Variants in EXOC5 observed in about 807,000 individuals in gnomAD.
EXOC5 encodes SEC10-like 1.
A neutral mutation model predicts 90.8 loss-of-function variants in EXOC5; 17 were observed. The ratio of observed to expected loss-of-function variants is 0.19; its 90% CI spans 0.13 to 0.28. EXOC5 has a LOEUF of 0.28. Ranked by LOEUF, EXOC5 falls within the 10% of genes least tolerant of loss-of-function variation. The pLI, the probability that EXOC5 is intolerant of heterozygous loss-of-function variation, is 1.00. For missense variants in EXOC5, 569 were observed against 830.6 expected (o/e 0.69, Z 3.87); for synonymous variants, 260 against 270.0 (o/e 0.96, Z 0.36).
intron 12 of EXOC5, among the ~76,000 whole-genome samples, chr14:57,223,704 C>T (rs1594655327): frequency 6.6e-6 from 1 of 152,078 alleles, no homozygotes; most frequent in East Asian, 1.9e-4. Flanking sequence ...ACTTGAACAA[C>T]ATAATCAACT....
rs1254589433 is a variant in EXOC5, at chr14:57,231,732, G to A, written c.939-17C>T. 4 of 1,516,078 alleles carry A rather than the reference G, an allele frequency of 2.6e-6. No homozygotes were observed. The highest frequency in any genetic ancestry group is 2.3e-5 in the East Asian group (1 of 44,344). The allele number at this position is 1,516,078 out of a possible 1,614,324, so 93.9% of individuals were successfully genotyped here. On this transcript the variant is annotated splice_polypyrimidine_tract_variant and intron_variant, in intron 10 of 17. Transcript: ENST00000621441. ...TTGGTGGTTCTTTTCATGAAAAAGG[G>A]GGAGAAAAAGATTAATATACATTTT...
chr14:57,205,536 G>C lies in EXOC5; in HGVS notation c.*3073C>G, dbSNP rs186299949. On this transcript the variant is annotated 3_prime_UTR_variant, in exon 18 of 18. Coordinates refer to ENST00000621441, the MANE Select transcript of EXOC5 (RefSeq NM_006544.4). ...GCCTTAGCCACTACCTTAGGTACTT[G>C]ACCACTTTAAGGGGTTTTGTGGCAT... 3.9e-6 allele frequency: 1 copy of C among 258,970 alleles called. No homozygotes were observed. The highest frequency in any genetic ancestry group is 2.3e-5 in the African/African-American group (1 of 42,872). 16.0% of individuals were successfully genotyped at this position (258,970 alleles called of 1,614,324 possible). A position where few individuals can be genotyped will look rare whatever the true frequency, so the allele number is the denominator to read the frequency against.
Position 57,268,629 on chromosome 14 carries a change from A to C in EXOC5, c.20T>G (p.Leu7Arg). 1 of 1,591,278 alleles carries C rather than the reference A, an allele frequency of 6.3e-7. No individual in the cohort carries two copies. The highest frequency in any genetic ancestry group is 8.5e-7 in the Non-Finnish European group (1 of 1,174,636). The change falls in exon 1 of 18, where the codon CTC (leucine) becomes CGC (arginine). Residue 7 changes from leucine to arginine, a missense_variant. Physicochemically the swap from Leu to Arg is moderately radical, Grantham distance 102 (BLOSUM62 -2). Around this residue, in one of 9 missense-constraint regions of EXOC5, gnomAD observed 22 missense variants for 16.6 expected, o/e 1.33. Transcript: ENST00000621441. ...AGAGCCGCCGGGGCCCACCTCGAAGAGCTCGGCCGTGGTAGCCATCCCGGC... is the reference window on the plus strand; with the variant it reads ...AGAGCCGCCGGGGCCCACCTCGAAGCGCTCGGCCGTGGTAGCCATCCCGGC... Reference protein sequence around the residue: MATTAELFEEPFVADEY... With the variant: MATTAERFEEPFVADEY...
chr14:57,208,627 A>G lies in EXOC5; in HGVS notation c.2109T>C (p.Leu703=), dbSNP rs750303515. 6.2e-7 allele frequency: 1 copy of G among 1,603,662 alleles called. No homozygotes were observed. The highest frequency in any genetic ancestry group is 8.5e-7 in the Non-Finnish European group (1 of 1,172,910). The change falls in exon 18 of 18, where the codon CTT becomes CTC. Residue 703 remains leucine (L), a synonymous_variant. Transcript: ENST00000621441. ...QLRADYRSAR[L]ARHFS ...TTCAATCTCAGCTGAAGTGTCGAGCAAGGCGGGCAGATCTATAATCAGCAC... is the reference window on the plus strand; with the variant it reads ...TTCAATCTCAGCTGAAGTGTCGAGCGAGGCGGGCAGATCTATAATCAGCAC...
Position 57,207,092 on chromosome 14 carries a change from G to C in EXOC5, c.*1517C>G, listed in dbSNP as rs1437558539. On this transcript the variant is annotated 3_prime_UTR_variant, in exon 18 of 18. Coordinates refer to ENST00000621441, the MANE Select transcript of EXOC5 (RefSeq NM_006544.4). ...CATAATGTCCTAAAATGCTCTGAAAGAAGTTGGTATACTTCATTCCCCAGC... is the reference window on the plus strand; with the variant it reads ...CATAATGTCCTAAAATGCTCTGAAACAAGTTGGTATACTTCATTCCCCAGC... 2.6e-5 allele frequency: 4 copies of C among 152,450 alleles called. No individual in the cohort carries two copies. Among genetic ancestry groups the C allele is most frequent in the Non-Finnish European group, 5.9e-5 (4 of 67,938 alleles). The allele number at this position is 152,450 out of a possible 1,614,324, so 9.4% of individuals were successfully genotyped here.
chr14:57,243,410 C>T (rs550612999), intron 4 of EXOC5: 7 of 152,140 alleles, frequency 4.6e-5, no homozygotes, highest in Non-Finnish European at 1.0e-4. Context: ...TTACATTCCA[C>T]TATCTGAAAT....
At position 57,206,509 on chromosome 14, in the gene EXOC5, T is replaced by C. The variant is rs1882659401; in HGVS notation, c.*2100A>G. The C allele has an allele frequency of 6.6e-6, 1 of 151,732 alleles. No individual in the cohort carries two copies. Among genetic ancestry groups the C allele is most frequent in the South Asian group, 2.1e-4 (1 of 4,784 alleles). The allele number at this position is 151,732 out of a possible 1,614,324, so 9.4% of individuals were successfully genotyped here. A position where few individuals can be genotyped will look rare whatever the true frequency, so the allele number is the denominator to read the frequency against. ...TGTGCTGTGAAAAATTTTAAAAATC[T>C]CAAATTTTTAAATAAAAAATCATTT... On this transcript the variant is annotated 3_prime_UTR_variant, in exon 18 of 18. Transcript: ENST00000621441.
chr14:57,234,412 CAG>C (rs1198472958), intron 7 of EXOC5, among the ~76,000 whole-genome samples: 5 of 150,964 alleles, frequency 3.3e-5, no homozygotes, highest in Non-Finnish European at 5.9e-5. Context: ...CACACATACA[CAG>C]AGAGTCAAGG....
In EXOC5 at chr14:57,244,328, T is replaced by C; in HGVS notation, c.302A>G (p.Glu101Gly). The C allele has an allele frequency of 6.2e-7, 1 of 1,613,558 alleles. No homozygotes were observed. The highest frequency in any genetic ancestry group is 8.5e-7 in the Non-Finnish European group (1 of 1,179,728). ...VAFQHFQELD[E>G]HISYVATKVC... is the part of the protein sequence containing the mutation. ...TTTAGTTGCTACATAGCTAATGTGC[T>C]CATCTAGTTCTTGGAAATGTTGGAA... is the stretch of plus-strand genomic sequence containing the variant. Residue 101 changes from glutamate to glycine, a missense_variant, in exon 4 of 18, where the codon GAG (glutamate) becomes GGG (glycine). By Grantham distance (98) the Glu-to-Gly change is moderately conservative. Around this residue, in one of 9 missense-constraint regions of EXOC5, gnomAD observed 97 missense variants for 177.9 expected, o/e 0.55. Coordinates refer to ENST00000621441, the MANE Select transcript of EXOC5 (RefSeq NM_006544.4).
intron 3 of EXOC5, 25 bp from the exon 4 acceptor site, chr14:57,244,384 A>T (rs1346545805): frequency 1.3e-6 from 2 of 1,531,754 alleles, no homozygotes; most frequent in African/African-American, 2.7e-5. Flanking sequence ...CATAAGCATA[A>T]AATACAATCA....
At position 57,203,501 on chromosome 14, in the gene EXOC5, CTTCAT is replaced by C. The variant is rs946302959; in HGVS notation, c.*5103_*5107del. ...ATAACTGGAAGGGATACGACACTTT[CTTCAT>C]TTAAGATTCCCAGTGGTGAAAACAA... On this transcript the variant is annotated 3_prime_UTR_variant, in exon 18 of 18. Coordinates refer to ENST00000621441, the MANE Select transcript of EXOC5 (RefSeq NM_006544.4). 3 of 152,566 alleles carry C rather than the reference CTTCAT, an allele frequency of 2.0e-5. No individual in the cohort carries two copies. Among genetic ancestry groups the C allele is most frequent in the African/African-American group, 7.2e-5 (3 of 41,430 alleles). 9.5% of individuals were successfully genotyped at this position (152,566 alleles called of 1,614,324 possible).
In EXOC5 at chr14:57,202,983, G is replaced by T. The variant is rs1225308239; in HGVS notation, c.*5626C>A. ...ATAAAATATTTTCACATAACTTCAT[G>T]TGAATCCCCCATGTTATCCTCTAAA... On this transcript the variant is annotated 3_prime_UTR_variant, in exon 18 of 18. Coordinates refer to ENST00000621441, the MANE Select transcript of EXOC5 (RefSeq NM_006544.4). 1.3e-5 allele frequency: 2 copies of T among 152,124 alleles called. No individual in the cohort carries two copies. The highest frequency in any genetic ancestry group is 4.8e-5 in the African/African-American group (2 of 41,412). The allele number at this position is 152,124 out of a possible 1,614,324, so 9.4% of individuals were successfully genotyped here.
chr14:57,265,730 C>T (rs577902319), intron 1 of EXOC5, among the ~76,000 whole-genome samples: 38 of 152,222 alleles, frequency 2.5e-4, no homozygotes, highest in African/African-American at 8.7e-4. Context: ...GTCTCAAAAA[C>T]AAAGAAAAGG....
At position 57,268,483 on chromosome 14, in the gene EXOC5, C is replaced by G. The variant is rs999013361; in HGVS notation, c.27+139G>C. On this transcript the variant is annotated intron_variant, in intron 1 of 17. Coordinates refer to ENST00000621441, the MANE Select transcript of EXOC5 (RefSeq NM_006544.4). The stretch of plus-strand genomic sequence containing the variant: ...CTCCGCCCGCGCTGACACGGAGCTG[C>G]CACCCCAACCCTTCTGTTTCGCACC... 2.1e-5 allele frequency: 32 copies of G among 1,499,592 alleles called. 2 individuals are homozygous for G. The Admixed American group carries it at 6.7e-4, about 31-fold the overall frequency. 92.9% of individuals were successfully genotyped at this position (1,499,592 alleles called of 1,614,324 possible).
Position 57,209,589 on chromosome 14 carries a change from C to T in EXOC5, c.1916G>A (p.Arg639Lys). 6.2e-7 allele frequency: 1 copy of T among 1,612,232 alleles called. No individual in the cohort carries two copies. The highest frequency in any genetic ancestry group is 8.5e-7 in the Non-Finnish European group (1 of 1,178,730). Residue 639 changes from arginine (R) to lysine (K), a missense_variant, in exon 17 of 18, where the codon AGG becomes AAG. Arg to Lys is a conservative substitution (Grantham distance 26). Coordinates refer to ENST00000621441, the MANE Select transcript of EXOC5 (RefSeq NM_006544.4). ...TACCTTGAAGTCTTTGGCACACTTCCTATATTCGGCTACATCACAAATGGC... is the reference window on the plus strand; with the variant it reads ...TACCTTGAAGTCTTTGGCACACTTCTTATATTCGGCTACATCACAAATGGC... Reference protein sequence around the residue: ...MLAICDVAEYRKCAKDFKIPM... With the variant: ...MLAICDVAEYKKCAKDFKIPM...
rs1884582833 is a variant in EXOC5 at position 57,263,617 on chromosome 14, T to C, written c.27+5005A>G. Among the ~76,000 whole-genome samples, 4 of 150,732 alleles carry C rather than the reference T, an allele frequency of 2.7e-5. No individual in the cohort carries two copies. The South Asian group carries it at 8.4e-4, about 32-fold the overall frequency. The stretch of plus-strand genomic sequence containing the variant: ...CCCATCTCTACTAAAAATAAAAAAA[T>C]TAGCTGGGCATGGTGGCAGGCACCT... On this transcript the variant is annotated intron_variant, in intron 1 of 17. Transcript: ENST00000621441.
intron 3 of EXOC5, 67 bp from the exon 4 acceptor site, chr14:57,244,426 C>G: frequency 9.6e-7 from 1 of 1,043,896 alleles, no homozygotes; most frequent in Non-Finnish European, 1.5e-6. Context: ...AACTACTACT[C>G]TTATTGCTAC....
chr14:57,247,597 A>G, intron 2 of EXOC5, 21 bp downstream of exon 2: 1 of 1,337,966 alleles, frequency 7.5e-7, no homozygotes, highest in South Asian at 1.3e-5. Flanking sequence ...ATCTGTGGGG[A>G]AAAAAATTTT....
At chr14:57,240,815 T>C (rs1875762764) in intron 4 of EXOC5, among the ~76,000 whole-genome samples, 1 of 152,188 alleles carries the variant, frequency 6.6e-6, no homozygotes, top group African/African-American at 2.4e-5. Flanking sequence ...GACTCATAAA[T>C]ACGAAGGAAG....
Sources: gnomAD v4.1 joint callset for allele counts (sites outside exome capture counted in the v4.1 genomes callset) on GRCh38, gnomAD v4.1.1 for gene constraint, gnomAD v4.1.1 regional missense constraint, MANE v1.5 for transcripts, NCBI Gene and HGNC (gene_info 2026-07-23, HGNC 2026-07-21) for gene names.